Variants in VPS53 observed in about 807,000 individuals in gnomAD.
VPS53 encodes the protein vacuolar protein sorting-associated protein 53 homolog.
In VPS53, 70 loss-of-function variants were observed where a neutral mutation model predicts 107.0. The ratio of observed to expected loss-of-function variants is 0.65; its 90% confidence interval spans 0.54 to 0.80. The LOEUF is 0.80. VPS53 is among the 30% of genes least tolerant of loss of function. The pLI is 0.00. For missense variants in VPS53, 917 were observed against 1,049.4 expected, an observed-to-expected ratio of 0.87 and a Z score of 1.74; for synonymous variants, 409 against 393.3, an observed-to-expected ratio of 1.04 and a Z score of -0.47.
chr17:560,984 G>C (rs762948027), intron 14 of VPS53, among the ~76,000 whole-genome samples: 14 of 152,100 alleles, frequency 9.2e-5, no homozygotes, highest in Non-Finnish European at 2.1e-4. Flanking sequence ...TGGTGGAGGA[G>C]GACATAAGCG....
intron 1 of VPS53, among the ~76,000 whole-genome samples, chr17:713,981 G>A (rs1973744465): frequency 6.7e-6 from 1 of 150,352 alleles, no homozygotes; most frequent in Admixed American, 6.6e-5. Flanking sequence ...GGAGGCGGAG[G>A]TCGCAGTGAG....
intron 15 of VPS53, among the ~76,000 whole-genome samples, chr17:557,481 C>G (rs1459735692): frequency 6.6e-6 from 1 of 152,194 alleles, no homozygotes; most frequent in Non-Finnish European, 1.5e-5. Context: ...CTTCAACCCA[C>G]TATATCTCCC....
chr17:547,300 A>T (rs1012448020), intron 17 of VPS53, among the ~76,000 whole-genome samples: 13 of 152,260 alleles, frequency 8.5e-5, no homozygotes, highest in Admixed American at 2.0e-4. Flanking sequence ...GAATGAATAA[A>T]CAAAATGTGG....
chr17:620,061 A>T (rs1363570853), intron 11 of VPS53, among the ~76,000 whole-genome samples: 1 of 152,106 alleles, frequency 6.6e-6, no homozygotes, highest in Non-Finnish European at 1.5e-5. Context: ...TTCCCTTGTT[A>T]CTAAAAAGAA....
chr17:556,532 TG>T (rs1366152563), intron 15 of VPS53, among the ~76,000 whole-genome samples: 2 of 152,196 alleles, frequency 1.3e-5, no homozygotes, highest in Non-Finnish European at 2.9e-5. Context: ...AACATCGTTC[TG>T]TGGTTTGATT....
Position 586,191 on chromosome 17 carries a change from A to C in VPS53, c.1313+79T>G, listed in dbSNP as rs2304951. 0.064 allele frequency: 84,435 copies of C among 1,310,264 alleles called. 4,215 individuals carry two copies. The highest frequency in any genetic ancestry group is 0.25 in the East Asian group (10,735 of 42,856). 81.2% of individuals were successfully genotyped at this position (1,310,264 alleles called of 1,614,324 possible). A position where few individuals can be genotyped will look rare whatever the true frequency, so the allele number is the denominator to read the frequency against. On this transcript the variant is annotated intron_variant, in intron 13 of 21. Transcript: ENST00000437048. Reference sequence around the variant, plus strand: ...ACAACCATCTTTCAGCCCCGGAAGGAGCTGTGCGCTCCTAAGACCCAGTCA... The same window carrying C: ...ACAACCATCTTTCAGCCCCGGAAGGCGCTGTGCGCTCCTAAGACCCAGTCA...
At chr17:533,116 A>C in intron 18 of VPS53, 1 of 813,016 alleles carries the variant, frequency 1.2e-6, no homozygotes, top group Non-Finnish European at 1.9e-6. Flanking sequence ...AGGCCCGGGA[A>C]AACCGGATCC....
At chr17:579,629 G>A (rs1372174890) in intron 13 of VPS53, among the ~76,000 whole-genome samples, 3 of 81,506 alleles carry the variant, frequency 3.7e-5, no homozygotes, top group Non-Finnish European at 8.2e-5. Flanking sequence ...AATGCATTCC[G>A]AGAGAACTTC....
At chr17:667,423 A>G (rs1025487547) in intron 4 of VPS53, among the ~76,000 whole-genome samples, 13 of 150,934 alleles carry the variant, frequency 8.6e-5, no homozygotes, top group African/African-American at 3.2e-4. Flanking sequence ...GGAGTGATTT[A>G]GCAGGAGAGA....
At chr17:581,920 T>C (rs1260451561) in intron 13 of VPS53, among the ~76,000 whole-genome samples, 1 of 146,068 alleles carries the variant, frequency 6.8e-6, no homozygotes, top group African/African-American at 2.6e-5. Context: ...CCAGATAACC[T>C]CCCTGAGGAC....
At chr17:587,119 G>A (rs1488011028) in intron 12 of VPS53, among the ~76,000 whole-genome samples, 1 of 152,004 alleles carries the variant, frequency 6.6e-6, no homozygotes, top group African/African-American at 2.4e-5. Context: ...CTAAAGTGCA[G>A]TGGCGCCATC....
intron 15 of VPS53, among the ~76,000 whole-genome samples, chr17:555,587 G>A (rs561834626): frequency 6.6e-5 from 10 of 151,964 alleles, no homozygotes; most frequent in Admixed American, 2.0e-4. Context: ...CACCCACCTC[G>A]GCCTCCCAAA....
chr17:651,056 G>C (rs1045586615), intron 7 of VPS53, among the ~76,000 whole-genome samples: 6 of 152,114 alleles, frequency 3.9e-5, no homozygotes, highest in Non-Finnish European at 2.9e-5. Context: ...CAAATCCGGA[G>C]AGATAGGATT....
chr17:560,994 G>A (rs371606272), intron 14 of VPS53, among the ~76,000 whole-genome samples: 9 of 152,082 alleles, frequency 5.9e-5, no homozygotes, highest in African/African-American at 1.2e-4. Flanking sequence ...GGACATAAGC[G>A]CATGTTAAGA....
At chr17:652,871 G>C (rs1490450011) in intron 7 of VPS53, among the ~76,000 whole-genome samples, 3 of 152,188 alleles carry the variant, frequency 2.0e-5, no homozygotes, top group Admixed American at 2.0e-4. Flanking sequence ...GGAAGACATG[G>C]GAAGGGGTAA....
At chr17:709,210 G>A (rs1229275147) in intron 2 of VPS53, among the ~76,000 whole-genome samples, 1 of 126,484 alleles carries the variant, frequency 7.9e-6, no homozygotes, top group African/African-American at 2.5e-5. Context: ...AACCTGCCTG[G>A]TATCACGGCG....
intron 11 of VPS53, among the ~76,000 whole-genome samples, chr17:605,917 A>G (rs1456487165): frequency 2.6e-5 from 4 of 152,126 alleles, no homozygotes; most frequent in African/African-American, 7.2e-5. Context: ...GTAGTTTTCA[A>G]CAGCGAAGTG....
intron 7 of VPS53, among the ~76,000 whole-genome samples, chr17:639,417 C>T (rs1220254131): frequency 1.3e-5 from 2 of 152,206 alleles, no homozygotes; most frequent in Admixed American, 6.5e-5. Flanking sequence ...TCTCTCAACT[C>T]GTCAAAGTCA....
intron 8 of VPS53, among the ~76,000 whole-genome samples, chr17:629,099 G>C (rs1163149355): frequency 6.6e-6 from 1 of 152,178 alleles, no homozygotes; most frequent in Non-Finnish European, 1.5e-5. Context: ...GATAAGTAAG[G>C]TTCTTCTAAA....
Sources: allele counts gnomAD v4.1 joint callset (sites outside exome capture counted in the v4.1 genomes callset), GRCh38; gene constraint gnomAD v4.1.1; transcripts MANE v1.5; gene names NCBI Gene and HGNC (gene_info 2026-07-23, HGNC 2026-07-21).